The following SLC6A9 variants were observed in gnomAD, a reference collection of about 807,000 sequenced individuals.
SLC6A9 encodes solute carrier family 6 member 9, also known as sodium- and chloride-dependent glycine transporter 1.
Under a neutral mutation model 70.9 loss-of-function variants are expected in SLC6A9, and 31 were observed. The observed-to-expected ratio is 0.44, with a 90% confidence interval of 0.33 to 0.59. The LOEUF is 0.59. Ranked by LOEUF, SLC6A9 falls within the 20% of genes least tolerant of loss-of-function variation. SLC6A9 has a pLI of 0.04. For synonymous variants in SLC6A9, 310 were observed against 341.3 expected (o/e 0.91, Z 1.01); for missense variants, 631 against 845.2 (o/e 0.75, Z 3.14).
At chr1:44,017,371 ACAC>A in intron 2 of SLC6A9, 1 of 84,356 alleles carries the variant, frequency 1.2e-5, no homozygotes. Context: ...CTGGAACAAC[ACAC>A]ACACACACAC....
rs746059507 is a variant in SLC6A9 at position 44,002,895 on chromosome 1, G to C, written c.681C>G (p.Val227=). Residue 227 remains valine, a synonymous_variant, in exon 6 of 14, where the codon GTC becomes GTG. Transcript: ENST00000372310. The surrounding 1 kb of genome is among the most constrained non-coding windows in gnomAD (Gnocchi z 5.5). The stretch of plus-strand genomic sequence containing the variant: ...CCCCTCGGATGAGGCAGAGGAAGAC[G>C]ACCAACCAGGAGACACCGAGGCAGC... ...LLGCLGVSWL[V]VFLCLIRGVK... is the part of the protein sequence containing the mutation. The C allele has an allele frequency of 6.2e-7, 1 of 1,614,082 alleles. No homozygotes were observed. The highest frequency in any genetic ancestry group is 1.7e-5 in the Admixed American group (1 of 60,024).
intron 2 of SLC6A9, among the ~76,000 whole-genome samples, chr1:44,012,822 C>A (rs948388222): frequency 5.3e-5 from 8 of 152,092 alleles, no homozygotes; most frequent in Non-Finnish European, 1.0e-4. Context: ...GTAGAGGGTG[C>A]CCCCCGGCCT....
chr1:44,019,059 A>T (rs887758069), intron 2 of SLC6A9, among the ~76,000 whole-genome samples: 1 of 152,232 alleles, frequency 6.6e-6, no homozygotes, highest in African/African-American at 2.4e-5. Flanking sequence ...GTCCATTAAC[A>T]TGTCGGATCT....
At chr1:44,028,314 AG>A (rs34193499) in intron 1 of SLC6A9, among the ~76,000 whole-genome samples, 19,630 of 152,248 alleles carry the variant, frequency 0.13, 1,893 homozygotes, top group East Asian at 0.42. Context: ...CTTGAGGGCA[AG>A]GGTGCCTATT....
chr1:44,010,032 C>T lies in SLC6A9; in HGVS notation c.252G>A (p.Glu84=). 3 of 1,614,138 alleles carry T rather than the reference C, an allele frequency of 1.9e-6. No homozygotes were observed. Among genetic ancestry groups the T allele is most frequent in the Non-Finnish European group, 2.5e-6 (3 of 1,180,002 alleles). Residue 84 remains glutamate (E), a synonymous_variant, in exon 4 of 14, where the codon GAG becomes GAA. Coordinates refer to ENST00000372310, the MANE Select transcript of SLC6A9 (RefSeq NM_001024845.3). ...IFCGIPLFFM[E]LSFGQFASQG... ...GGCTTGCAAACTGGCCGAAGGAGAG[C>T]TCCATGAAGAAGAGGGGGATCCCGC...
intron 12 of SLC6A9, 115 bp from the exon 13 acceptor site, chr1:43,998,140 G>A: frequency 9.9e-7 from 1 of 1,013,980 alleles, no homozygotes; most frequent in Non-Finnish European, 1.4e-6. Flanking sequence ...AAGGGCATTT[G>A]GGGCAGAACA....
intron 2 of SLC6A9, chr1:44,017,408 C>CACACAG (rs1553163830): frequency 1.1e-5 from 11 of 958,292 alleles, no homozygotes; most frequent in Middle Eastern, 8.1e-4. Flanking sequence ...CACACACACA[C>CACACAG]AGACTGGGGC....
chr1:44,027,069 T>C (rs1432017376), intron 1 of SLC6A9, among the ~76,000 whole-genome samples: 1 of 152,172 alleles, frequency 6.6e-6, no homozygotes, highest in African/African-American at 2.4e-5. Flanking sequence ...CATCCGTCCA[T>C]TCAGAAAACA....
intron 10 of SLC6A9, 53 bp downstream of exon 10, chr1:44,001,111 T>C: frequency 6.2e-7 from 1 of 1,613,034 alleles, no homozygotes; most frequent in South Asian, 1.1e-5. Context: ...CCCCAACCCT[T>C]CCCTGCACGT....
In SLC6A9 at chr1:44,002,014, C is replaced by T. The variant is rs1289161913; in HGVS notation, c.962+299G>A. 6.6e-6 allele frequency among the ~76,000 whole-genome samples: 1 copy of T among 152,082 alleles called. No homozygotes were observed. The highest frequency in any genetic ancestry group is 1.5e-5 in the Non-Finnish European group (1 of 68,020). ...GCCTCTCAAAGTGCTGGGATTACGG[C>T]GTGAAGCACTGAGCCTGGCCCCCAA... On this transcript the variant is annotated intron_variant, in intron 8 of 13. Transcript: ENST00000372310. The surrounding 1 kb of genome is among the most constrained non-coding windows in gnomAD (Gnocchi z 5.5).
At chr1:44,010,321 A>G in intron 3 of SLC6A9, 1 of 538,210 alleles carries the variant, frequency 1.9e-6, no homozygotes, top group Non-Finnish European at 3.3e-6. Flanking sequence ...CAGGTCCCAG[A>G]GCCTCCATAC....
chr1:44,015,426 G>A (rs1453540741), intron 2 of SLC6A9, among the ~76,000 whole-genome samples: 1 of 152,216 alleles, frequency 6.6e-6, no homozygotes, highest in Non-Finnish European at 1.5e-5. Flanking sequence ...GGACCCAGCA[G>A]GCTTTGTGTT....
chr1:44,024,216 G>A (rs200581223), intron 2 of SLC6A9, 32 bp downstream of exon 2: 39 of 1,611,196 alleles, frequency 2.4e-5, no homozygotes, highest in South Asian at 2.4e-4. Flanking sequence ...TGGGACTCCC[G>A]TTCCTTCCCG....
intron 1 of SLC6A9, among the ~76,000 whole-genome samples, chr1:44,028,202 G>A: frequency 6.6e-6 from 1 of 152,178 alleles, no homozygotes; most frequent in Non-Finnish European, 1.5e-5. Context: ...ATGTGGAAAG[G>A]CTCTGAGGCT....
chr1:44,027,467 C>G (rs1448376235), intron 1 of SLC6A9, among the ~76,000 whole-genome samples: 2 of 152,328 alleles, frequency 1.3e-5, no homozygotes, highest in Non-Finnish European at 2.9e-5. Flanking sequence ...ATCCCTGATT[C>G]TCTCCAACAG....
chr1:44,014,115 C>T (rs907131882), intron 2 of SLC6A9, among the ~76,000 whole-genome samples: 4 of 152,050 alleles, frequency 2.6e-5, no homozygotes, highest in Non-Finnish European at 4.4e-5. Flanking sequence ...TTCTCCTAAC[C>T]CCCACCACCA....
chr1:44,017,604 C>A (rs1395701945), intron 2 of SLC6A9, among the ~76,000 whole-genome samples: 1 of 152,212 alleles, frequency 6.6e-6, no homozygotes, highest in African/African-American at 2.4e-5. Context: ...CAGGGCACCA[C>A]CAGAGCAGCT....
chr1:44,012,288 T>C lies in SLC6A9; in HGVS notation c.31-1406A>G, dbSNP rs75935102. Among the ~76,000 whole-genome samples, 887 of 152,356 alleles carry C rather than the reference T, an allele frequency of 5.8e-3. 4 individuals are homozygous for C. Among genetic ancestry groups the C allele is most frequent in the Middle Eastern group, 0.017 (5 of 294 alleles). ...TGGCCTCCCTGGGCCCCAAGCGCCT[T>C]GGATAGGCCAGGTGGGAATGTGGGC... On this transcript the variant is annotated intron_variant, in intron 2 of 13. Transcript: ENST00000372310.
chr1:44,024,379 G>T lies in SLC6A9; in HGVS notation c.-85-17C>A. ...TCTCAAGAGCTGTGGAGAGAGCAGA[G>T]GGTGAGGTGAGGACTTGGCCGTGTG... On this transcript the variant is annotated splice_polypyrimidine_tract_variant and intron_variant, in intron 1 of 13. Transcript: ENST00000372310. The T allele has an allele frequency of 6.8e-7, 1 of 1,466,490 alleles. No homozygotes were observed. Among genetic ancestry groups the T allele is most frequent in the Non-Finnish European group, 9.6e-7 (1 of 1,047,006 alleles). 90.8% of individuals were successfully genotyped at this position (1,466,490 alleles called of 1,614,324 possible).
Sources: allele counts gnomAD v4.1 joint callset (sites outside exome capture counted in the v4.1 genomes callset), GRCh38; gene constraint gnomAD v4.1.1; non-coding constraint Gnocchi (gnomAD v3.1); transcripts MANE v1.5; gene names NCBI Gene and HGNC (gene_info 2026-07-23, HGNC 2026-07-21).